Variants in SUPT20H observed in about 807,000 individuals in gnomAD.
SUPT20H encodes the protein SPT20 homolog, SAGA complex component, also known as transcription factor SPT20 homolog.
In SUPT20H, 82 loss-of-function variants were observed where a neutral mutation model predicts 122.8. The ratio of observed to expected loss-of-function variants is 0.67; its 90% CI spans 0.56 to 0.80. The LOEUF (loss-of-function observed/expected upper bound fraction) is 0.80, where lower values mean the gene tolerates loss of function less well. SUPT20H is among the 30% of genes least tolerant of loss of function. SUPT20H has a pLI of 0.00. For missense variants in SUPT20H, 831 were observed against 921.6 expected (o/e 0.90, Z 1.27); for synonymous variants, 291 against 313.0 (o/e 0.93, Z 0.74).
intron 4 of SUPT20H, 48 bp from the exon 5 acceptor site, chr13:37,047,649 C>A (rs1355711512): frequency 3.8e-6 from 5 of 1,314,134 alleles, no homozygotes; most frequent in Admixed American, 6.6e-5. Flanking sequence ...ACAGAGTAAT[C>A]ATCATGACAT....
chr13:37,028,493 C>G (rs1244817588), intron 13 of SUPT20H, among the ~76,000 whole-genome samples, 188 bp from the exon 14 acceptor site: 1 of 152,086 alleles, frequency 6.6e-6, no homozygotes, highest in Non-Finnish European at 1.5e-5. Context: ...TTCCTAAAAA[C>G]TATATGGGCA....
At chr13:37,016,839 T>C (rs2060598633) in intron 23 of SUPT20H, among the ~76,000 whole-genome samples, 1 of 152,234 alleles carries the variant, frequency 6.6e-6, no homozygotes, top group African/African-American at 2.4e-5. Flanking sequence ...CATTTGTTTT[T>C]GTCTGTGTTC....
chr13:37,021,675 A>G, intron 20 of SUPT20H, 73 bp from the exon 21 acceptor site: 1 of 1,466,758 alleles, frequency 6.8e-7, no homozygotes, highest in Non-Finnish European at 9.1e-7. Context: ...TCCTCAGATT[A>G]AAAAACAAAA....
At chr13:37,030,755 G>A (rs527357951) in intron 12 of SUPT20H, among the ~76,000 whole-genome samples, 56 of 152,252 alleles carry the variant, frequency 3.7e-4, no homozygotes, top group African/African-American at 1.3e-3. Flanking sequence ...CCACCCTTCA[G>A]TATTTACACT....
rs371863625 is a variant in SUPT20H, at chr13:37,010,031, T to C, written c.2203-222A>G. Among the ~76,000 whole-genome samples, 11 of 152,336 alleles carry C rather than the reference T, an allele frequency of 7.2e-5. No individual in the cohort carries two copies. In the East Asian group the frequency reaches 1.9e-3, roughly 27 times the overall value. On this transcript the variant is annotated intron_variant, in intron 25 of 25. Coordinates refer to ENST00000350612, the MANE Select transcript of SUPT20H (RefSeq NM_001014286.3). ...GATTCTTGGCAAACTTCAAAATTAT[T>C]TGTTACTTTGCCCTGCCAGTCTATA...
At chr13:37,035,608 C>A (rs1434768471) in intron 9 of SUPT20H, among the ~76,000 whole-genome samples, 1 of 151,902 alleles carries the variant, frequency 6.6e-6, no homozygotes, top group African/African-American at 2.4e-5. Context: ...GCAACCTTCA[C>A]CTCCTGGGTT....
chr13:37,016,272 A>C (rs1476106087), intron 23 of SUPT20H, among the ~76,000 whole-genome samples: 1 of 150,820 alleles, frequency 6.6e-6, no homozygotes, highest in African/African-American at 2.4e-5. Context: ...TAAAAATACA[A>C]AAAAAAAATT....
chr13:37,024,196 A>G lies in SUPT20H; in HGVS notation c.1433-3T>C. 1 of 1,603,130 alleles carries G rather than the reference A, an allele frequency of 6.2e-7. No individual in the cohort carries two copies. Among genetic ancestry groups the G allele is most frequent in the Non-Finnish European group, 8.5e-7 (1 of 1,176,182 alleles). On this transcript the variant is annotated splice_region_variant and splice_polypyrimidine_tract_variant and intron_variant, in intron 18 of 25. Coordinates refer to ENST00000350612, the MANE Select transcript of SUPT20H (RefSeq NM_001014286.3). Reference sequence around the variant, plus strand: ...CTGTTGTGGTGTAAAATAGTTACCTAGAAGAACATAAAAGTTATTTCCTAA... The same window carrying G: ...CTGTTGTGGTGTAAAATAGTTACCTGGAAGAACATAAAAGTTATTTCCTAA...
chr13:37,009,538 G>C lies in SUPT20H; in HGVS notation c.*134C>G. ...GTTTTTATTTAAAAATGATAAGGTT[G>C]TGCTTCTGTATAAAGTTTGTACATC... On this transcript the variant is annotated 3_prime_UTR_variant, in exon 26 of 26. Transcript: ENST00000350612. The C allele has an allele frequency of 2.7e-6, 3 of 1,106,830 alleles. No individual in the cohort carries two copies. Among genetic ancestry groups the C allele is most frequent in the Non-Finnish European group, 4.0e-6 (3 of 741,394 alleles). 68.6% of individuals were successfully genotyped at this position (1,106,830 alleles called of 1,614,324 possible).
At chr13:37,019,432 A>G in intron 21 of SUPT20H, 35 bp from the exon 22 acceptor site, 2 of 1,463,092 alleles carry the variant, frequency 1.4e-6, no homozygotes, top group African/African-American at 1.4e-5. Context: ...AACAGAATTG[A>G]AAGTTTATTA....
At chr13:37,058,575 C>T (rs539867133) in intron 1 of SUPT20H, among the ~76,000 whole-genome samples, 35 of 152,306 alleles carry the variant, frequency 2.3e-4, no homozygotes, top group African/African-American at 6.3e-4. Flanking sequence ...CTTCATATCT[C>T]TCACAAAGCA....
chr13:37,019,474 TAAG>T (rs1348723274), intron 21 of SUPT20H, 77 bp from the exon 22 acceptor site: 1 of 993,548 alleles, frequency 1.0e-6, no homozygotes, highest in African/African-American at 1.7e-5. Context: ...TTAGTATATA[TAAG>T]TACAATAATT....
chr13:37,053,855 A>G (rs1395849050), intron 1 of SUPT20H, among the ~76,000 whole-genome samples: 1 of 152,212 alleles, frequency 6.6e-6, no homozygotes, highest in African/African-American at 2.4e-5. Context: ...GATCAACAAA[A>G]TTGATAGACT....
chr13:37,029,825 A>C lies in SUPT20H; in HGVS notation c.933T>G (p.Tyr311Ter), dbSNP rs373950063. 6.3e-7 allele frequency: 1 copy of C among 1,597,360 alleles called. No individual in the cohort carries two copies. ...AIPSEVDVEK[Y>*]AKVEKSIKSD... ...ATTTGATAGACTTTTCCACTTTAGCATATTTCTCCACCTAAACAATCAAAT... is the reference window on the plus strand; with the variant it reads ...ATTTGATAGACTTTTCCACTTTAGCCTATTTCTCCACCTAAACAATCAAAT... Residue 311 changes from tyrosine (Y) to a stop codon, truncating the protein, a stop_gained, in exon 13 of 26, where the codon TAT (tyrosine) becomes TAG (stop). Transcript: ENST00000350612. LOFTEE classifies it high-confidence loss of function.
Position 37,012,311 on chromosome 13 carries a change from T to TTA in SUPT20H, c.1993-15_1993-14insTA. 6.3e-7 allele frequency: 1 copy of TTA among 1,597,466 alleles called. No individual in the cohort carries two copies. Among genetic ancestry groups the TTA allele is most frequent in the South Asian group, 1.1e-5 (1 of 89,068 alleles). On this transcript the variant is annotated splice_polypyrimidine_tract_variant and intron_variant, in intron 23 of 25. Transcript: ENST00000350612. ...TTGCTCAGAACCCTGAATAAAAAAA[T>TTA]AATAAATGACTTGTACAAGAAAGAA...
At chr13:37,025,575 ATTTATC>A in intron 16 of SUPT20H, 138 bp from the exon 17 acceptor site, 1 of 603,886 alleles carries the variant, frequency 1.7e-6, no homozygotes, top group East Asian at 3.0e-5. Flanking sequence ...AAATTAGGCA[ATTTATC>A]TTTGTATTAA....
At chr13:37,058,561 A>T (rs758321080) in intron 1 of SUPT20H, among the ~76,000 whole-genome samples, 2 of 152,214 alleles carry the variant, frequency 1.3e-5, no homozygotes, top group African/African-American at 4.8e-5. Context: ...ACAAAAACTA[A>T]TAACTTCATA....
chr13:37,036,334 T>C (rs553242271), intron 9 of SUPT20H, among the ~76,000 whole-genome samples: 329 of 151,912 alleles, frequency 2.2e-3, no homozygotes, highest in Non-Finnish European at 4.0e-3. Flanking sequence ...GGAGTTTTTT[T>C]TTTTTCTTTG....
intron 21 of SUPT20H, among the ~76,000 whole-genome samples, chr13:37,020,571 T>C (rs968456194): frequency 1.9e-4 from 29 of 152,168 alleles, no homozygotes; most frequent in African/African-American, 7.0e-4. Context: ...AAGTTCAAGA[T>C]GTGAAGTCCA....
Sources: gnomAD v4.1 joint callset for allele counts (sites outside exome capture counted in the v4.1 genomes callset) on GRCh38, gnomAD v4.1.1 for gene constraint, MANE v1.5 for transcripts, NCBI Gene and HGNC (gene_info 2026-07-23, HGNC 2026-07-21) for gene names.